The following MEGF11 variants were observed in gnomAD, a reference collection of about 807,000 sequenced individuals.
The protein encoded by MEGF11 is multiple EGF like domains 11, also known as multiple epidermal growth factor-like domains protein 11.
Under a neutral mutation model 146.6 loss-of-function variants are expected in MEGF11, and 126 were observed. The observed-to-expected ratio is 0.86, with a 90% CI of 0.74 to 1.00. The LOEUF is 1.00. Ranked by LOEUF, MEGF11 falls within the 50% of genes least tolerant of loss-of-function variation. MEGF11 has a pLI of 0.00. For synonymous variants in MEGF11, 532 were observed against 583.4 expected, an observed-to-expected ratio of 0.91 and a Z score of 1.27; for missense variants, 1,509 against 1,521.2, an observed-to-expected ratio of 0.99 and a Z score of 0.13.
At chr15:66,061,615 G>A (rs189944686) in intron 5 of MEGF11, among the ~76,000 whole-genome samples, 25 of 149,118 alleles carry the variant, frequency 1.7e-4, no homozygotes, top group African/African-American at 5.7e-4. Context: ...CTAGGGTAGG[G>A]GGTGCTAGAA....
chr15:66,119,641 C>T (rs1450824380), intron 3 of MEGF11, among the ~76,000 whole-genome samples: 1 of 152,042 alleles, frequency 6.6e-6, no homozygotes, highest in East Asian at 1.9e-4. Flanking sequence ...GGTCCCCCCA[C>T]TTGAAGAACT....
At chr15:66,029,805 T>G (rs1163046989) in intron 5 of MEGF11, among the ~76,000 whole-genome samples, 21 of 152,190 alleles carry the variant, frequency 1.4e-4, no homozygotes, top group Admixed American at 1.4e-3. Flanking sequence ...CTCCTGGGGC[T>G]TCCGGCTTCC....
chr15:66,181,500 C>A (rs572988549), intron 1 of MEGF11, among the ~76,000 whole-genome samples: 1 of 146,628 alleles, frequency 6.8e-6, no homozygotes, highest in Non-Finnish European at 1.5e-5. Flanking sequence ...AAGGACTTTG[C>A]GGTCATCTTC....
intron 1 of MEGF11, among the ~76,000 whole-genome samples, chr15:66,246,387 G>A (rs570780974): frequency 1.3e-5 from 2 of 152,196 alleles, no homozygotes; most frequent in African/African-American, 2.4e-5. Context: ...AGGTGGTTTC[G>A]CCAGCAACAA....
chr15:66,187,386 T>C (rs780152277), intron 1 of MEGF11, among the ~76,000 whole-genome samples: 1 of 152,118 alleles, frequency 6.6e-6, no homozygotes, highest in Non-Finnish European at 1.5e-5. Context: ...CAGCTCCCTG[T>C]CCACTGGGGC....
At chr15:66,162,417 T>C (rs1033512785) in intron 1 of MEGF11, among the ~76,000 whole-genome samples, 1 of 152,156 alleles carries the variant, frequency 6.6e-6, no homozygotes, top group Non-Finnish European at 1.5e-5. Context: ...TAAATGCCTT[T>C]AAATAGGGTA....
intron 2 of MEGF11, among the ~76,000 whole-genome samples, chr15:66,125,233 C>T (rs899106366): frequency 3.9e-5 from 6 of 152,160 alleles, no homozygotes; most frequent in African/African-American, 1.2e-4. Flanking sequence ...GTGCCCCCAC[C>T]AGCTGGCACA....
chr15:66,112,312 A>C (rs1169523143), intron 4 of MEGF11, among the ~76,000 whole-genome samples: 7 of 152,218 alleles, frequency 4.6e-5, no homozygotes, highest in Non-Finnish European at 1.0e-4. Context: ...AAAGCACAAC[A>C]TATCCGAAAA....
chr15:66,055,976 C>T (rs1259122745), intron 5 of MEGF11, among the ~76,000 whole-genome samples: 1 of 152,094 alleles, frequency 6.6e-6, no homozygotes, highest in Non-Finnish European at 1.5e-5. Context: ...AGGCAAATGG[C>T]TCTGGTAGGG....
rs577880158 is a variant in MEGF11, at chr15:66,001,757, G to A, written c.395-19269C>T. ...GATGTAGGGGGGTAGCTGGGAGGCC[G>A]TTTGAACTGGATGTTTGAACCAAAG... On this transcript the variant is annotated intron_variant, in intron 5 of 25. Transcript: ENST00000395614. Among the ~76,000 whole-genome samples the A allele has an allele frequency of 7.2e-5, 11 of 152,288 alleles. No homozygotes were observed. The East Asian group carries it at 1.5e-3, about 21-fold the overall frequency.
At chr15:65,911,740 G>A (rs1375661841) in intron 21 of MEGF11, among the ~76,000 whole-genome samples, 1 of 152,192 alleles carries the variant, frequency 6.6e-6, no homozygotes, top group Non-Finnish European at 1.5e-5. Context: ...TTGATTACGT[G>A]TTGACATGTG....
At chr15:66,056,777 G>C (rs1191875106) in intron 5 of MEGF11, among the ~76,000 whole-genome samples, 1 of 152,148 alleles carries the variant, frequency 6.6e-6, no homozygotes, top group African/African-American at 2.4e-5. Context: ...GTGTGACCTT[G>C]GGCCTCAGTT....
Position 65,922,951 on chromosome 15 carries a change from G to A in MEGF11, c.1694C>T (p.Thr565Met), listed in dbSNP as rs754543147. Reference protein sequence around the residue: ...AGWTGIRCDSTCPPGRWGPNC... With the variant: ...AGWTGIRCDSMCPPGRWGPNC... ...GGGGCCCCAGCGGCCAGGTGGACACGTGCTGTCACAGCGGATGCCTGTGGG... is the reference window on the plus strand; with the variant it reads ...GGGGCCCCAGCGGCCAGGTGGACACATGCTGTCACAGCGGATGCCTGTGGG... The change falls in exon 14 of 26, where the codon ACG becomes ATG. Residue 565 changes from threonine to methionine, a missense_variant. Transcript: ENST00000395614. The A allele has an allele frequency of 1.9e-5, 30 of 1,612,830 alleles. No individual in the cohort carries two copies. Among genetic ancestry groups the A allele is most frequent in the South Asian group, 2.2e-5 (2 of 90,916 alleles).
chr15:66,080,855 A>G (rs1401156976), intron 5 of MEGF11, among the ~76,000 whole-genome samples: 1 of 152,218 alleles, frequency 6.6e-6, no homozygotes, highest in Non-Finnish European at 1.5e-5. Flanking sequence ...CCACAGGCAC[A>G]CCAGATGCCG....
intron 5 of MEGF11, among the ~76,000 whole-genome samples, chr15:66,011,710 G>C (rs902697673): frequency 4.6e-5 from 5 of 108,936 alleles, no homozygotes; most frequent in African/African-American, 1.4e-4. Context: ...TGGACCCCCA[G>C]GGAATTTAGC....
In MEGF11 at chr15:66,200,563, G is replaced by A. The variant is rs186781992; in HGVS notation, c.-9+53042C>T. On this transcript the variant is annotated intron_variant, in intron 1 of 25. Transcript: ENST00000395614. ...ATCAGTTATCCTCATCCCTCCCCCC[G>A]CCTTAGTTCCAGGGAGGTGACAGGA... Among the ~76,000 whole-genome samples, 1,227 of 152,016 alleles carry A rather than the reference G, an allele frequency of 8.1e-3. 6 individuals carry two copies. Among genetic ancestry groups the A allele is most frequent in the Middle Eastern group, 0.02 (6 of 294 alleles).
At chr15:66,180,305 C>T (rs988918500) in intron 1 of MEGF11, among the ~76,000 whole-genome samples, 2 of 152,184 alleles carry the variant, frequency 1.3e-5, no homozygotes, top group African/African-American at 4.8e-5. Flanking sequence ...CCCCTAGGAC[C>T]TGAGGTTTGG....
At chr15:65,908,930 G>A in intron 23 of MEGF11, 104 bp downstream of exon 23, 1 of 693,474 alleles carries the variant, frequency 1.4e-6, no homozygotes, top group East Asian at 2.7e-5. Context: ...AAAAGGGAGA[G>A]TTCTGGGACC....
At chr15:65,955,794 A>ATATATATGTATG in intron 10 of MEGF11, among the ~76,000 whole-genome samples, 1 of 25,762 alleles carries the variant, frequency 3.9e-5, no homozygotes, top group South Asian at 2.3e-3. Flanking sequence ...ATATATATAT[A>ATATATATGTATG]CACACACACA....
Sources: allele counts gnomAD v4.1 joint callset (sites outside exome capture counted in the v4.1 genomes callset), GRCh38; gene constraint gnomAD v4.1.1; transcripts MANE v1.5; gene names NCBI Gene and HGNC (gene_info 2026-07-23, HGNC 2026-07-21).